ABLIM2: variants seen among roughly 807,000 people sequenced by gnomAD.
The protein encoded by ABLIM2 is actin-binding LIM protein 2.
In ABLIM2, 53 loss-of-function variants were observed where a neutral mutation model predicts 97.7. That is an observed-to-expected ratio of 0.54 (90% confidence interval 0.44 to 0.68). ABLIM2 has a LOEUF of 0.68. Among genes scored for constraint, ABLIM2 ranks in the 30% least tolerant of loss-of-function variants. ABLIM2 has a pLI of 0.00. For missense variants in ABLIM2, 835 were observed against 867.2 expected, an observed-to-expected ratio of 0.96 and a Z score of 0.47; for synonymous variants, 361 against 345.8, an observed-to-expected ratio of 1.04 and a Z score of -0.49.
rs911584744 is a variant in ABLIM2, at chr4:8,068,198, C to A, written c.676-7144G>T. On this transcript the variant is annotated intron_variant, in intron 6 of 20. Coordinates refer to ENST00000447017, the MANE Select transcript of ABLIM2 (RefSeq NM_001130083.2). The surrounding 1 kb of genome is among the most constrained non-coding windows in gnomAD (Gnocchi z 4.5). ...ACGGCTCCCCAGGCAGGCGGAAGTC[C>A]CACCCTCGCCCGCGTGGGGCTCATG... 3.9e-5 allele frequency among the ~76,000 whole-genome samples: 6 copies of A among 152,162 alleles called. No individual in the cohort carries two copies. The highest frequency in any genetic ancestry group is 1.3e-4 in the Admixed American group (2 of 15,276).
chr4:8,052,656 C>A (rs1796787406), intron 8 of ABLIM2, among the ~76,000 whole-genome samples: 1 of 152,228 alleles, frequency 6.6e-6, no homozygotes, highest in African/African-American at 2.4e-5. Context: ...GCCTCCAGCC[C>A]TGCCTGCTCT....
chr4:7,976,546 C>G (rs1316211257), intron 20 of ABLIM2, among the ~76,000 whole-genome samples: 1 of 152,196 alleles, frequency 6.6e-6, no homozygotes, highest in Non-Finnish European at 1.5e-5. Flanking sequence ...GTCCAGACAC[C>G]TCAGCTTTCG....
chr4:8,065,674 A>C (rs1242101309), intron 6 of ABLIM2, among the ~76,000 whole-genome samples: 1 of 152,208 alleles, frequency 6.6e-6, no homozygotes, highest in Non-Finnish European at 1.5e-5. Context: ...CTGTAATCCC[A>C]GCACTTTGGA....
rs769154599 is a variant in ABLIM2, at chr4:8,019,240, G to A, written c.1423+378C>T. Reference sequence around the variant, plus strand: ...AAGTTTGTTCTATATTCCAAAGATCGGGCCTGGATCAGATTGTGGTTCTAG... The same window carrying A: ...AAGTTTGTTCTATATTCCAAAGATCAGGCCTGGATCAGATTGTGGTTCTAG... On this transcript the variant is annotated intron_variant, in intron 14 of 20. Coordinates refer to ENST00000447017, the MANE Select transcript of ABLIM2 (RefSeq NM_001130083.2). The surrounding 1 kb of genome is among the most constrained non-coding windows in gnomAD (Gnocchi z 4.3). Among the ~76,000 whole-genome samples the A allele has an allele frequency of 6.6e-6, 1 of 152,160 alleles. No homozygotes were observed. The highest frequency in any genetic ancestry group is 1.5e-5 in the Non-Finnish European group (1 of 68,034).
chr4:8,005,425 G>A lies in ABLIM2; in HGVS notation c.1618+2634C>T, dbSNP rs374055082. 146 of 533,404 alleles carry A rather than the reference G, an allele frequency of 2.7e-4. No individual in the cohort carries two copies. Among genetic ancestry groups the A allele is most frequent in the Middle Eastern group, 4.5e-4 (1 of 2,242 alleles). 33.0% of individuals were successfully genotyped at this position (533,404 alleles called of 1,614,324 possible). On this transcript the variant is annotated intron_variant, in intron 16 of 20. Coordinates refer to ENST00000447017, the MANE Select transcript of ABLIM2 (RefSeq NM_001130083.2). The surrounding 1 kb of genome is among the most constrained non-coding windows in gnomAD (Gnocchi z 4.9). The stretch of plus-strand genomic sequence containing the variant: ...TTCCTTGGGCGCGCTACAGATGGAC[G>A]TCCCGGGGTGCAGGTGGCGTGCCTT...
At position 8,045,150 on chromosome 4, in the gene ABLIM2, A is replaced by G. The variant is rs1791487407; in HGVS notation, c.900+14T>C. The G allele has an allele frequency of 6.2e-7, 1 of 1,612,450 alleles. No homozygotes were observed. Among genetic ancestry groups the G allele is most frequent in the Admixed American group, 1.7e-5 (1 of 60,020 alleles). On this transcript the variant is annotated intron_variant, in intron 9 of 20. Transcript: ENST00000447017. ...CCCTCCCACCGCCGTCCCCATAAAA[A>G]GGCCCTGACTTACATAAATCACACG... is the stretch of plus-strand genomic sequence containing the variant.
In ABLIM2 at chr4:8,109,150, C is replaced by T. The variant is rs114760869; in HGVS notation, c.11-2513G>A. ...CCTGAGTGCAAGAGCTGCTCCAAGG[C>T]GGAACTCCCAGCCCCCTCTTCTGGT... On this transcript the variant is annotated intron_variant, in intron 1 of 20. Transcript: ENST00000447017. Among the ~76,000 whole-genome samples, 1,453 of 152,330 alleles carry T rather than the reference C, an allele frequency of 9.5e-3. 18 individuals are homozygous for T. The highest frequency in any genetic ancestry group is 0.03 in the African/African-American group (1,247 of 41,572).
At chr4:8,114,146 G>C (rs1192491784) in intron 1 of ABLIM2, among the ~76,000 whole-genome samples, 1 of 152,226 alleles carries the variant, frequency 6.6e-6, no homozygotes, top group East Asian at 1.9e-4. Flanking sequence ...TCATGGGCGG[G>C]GGCTGTGCCC....
intron 16 of ABLIM2, 147 bp downstream of exon 16, chr4:8,007,912 C>T (rs753181469): frequency 1.4e-5 from 21 of 1,462,004 alleles, no homozygotes; most frequent in African/African-American, 7.1e-5. Context: ...TATTTCCTTC[C>T]GGTCGGTCCT....
rs13106236 is a variant in ABLIM2 at position 7,995,806 on chromosome 4, G to A, written c.1619-2879C>T. ...GGGAAGACAGACATGTGAGAGGGGCGGGGGTCGGGGGCCAGACCTTCGGGC... is the reference window on the plus strand; with the variant it reads ...GGGAAGACAGACATGTGAGAGGGGCAGGGGTCGGGGGCCAGACCTTCGGGC... On this transcript the variant is annotated intron_variant, in intron 16 of 20. Coordinates refer to ENST00000447017, the MANE Select transcript of ABLIM2 (RefSeq NM_001130083.2). 7.9e-5 allele frequency among the ~76,000 whole-genome samples: 12 copies of A among 152,190 alleles called. No homozygotes were observed. The South Asian group carries it at 8.3e-4, about 10-fold the overall frequency.
intron 20 of ABLIM2, among the ~76,000 whole-genome samples, chr4:7,980,744 C>T (rs1159516046): frequency 6.6e-6 from 1 of 151,266 alleles, no homozygotes; most frequent in Non-Finnish European, 1.5e-5. Context: ...CTCTGCAGAG[C>T]TGTCTCTTGT....
chr4:8,045,933 G>C (rs1292041575), intron 8 of ABLIM2, among the ~76,000 whole-genome samples: 1 of 152,128 alleles, frequency 6.6e-6, no homozygotes, highest in African/African-American at 2.4e-5. Flanking sequence ...ACCCTCTCTA[G>C]CTTGGCCCCC....
chr4:7,989,072 C>CTTTTTTTTTTTTTTTTTTTTT (rs71175445), intron 17 of ABLIM2, among the ~76,000 whole-genome samples: 2 of 81,330 alleles, frequency 2.5e-5, no homozygotes, highest in African/African-American at 5.0e-5. Flanking sequence ...ACACATTAGT[C>CTTTTTTTTTTTTTTTTTTTTT]TTTTTTTTTT....
chr4:8,044,841 C>A lies in ABLIM2; in HGVS notation c.900+323G>T, dbSNP rs1294612240. On this transcript the variant is annotated intron_variant, in intron 9 of 20. Coordinates refer to ENST00000447017, the MANE Select transcript of ABLIM2 (RefSeq NM_001130083.2). This position sits in a 1 kb window ranked among gnomAD's most constrained non-coding sequence, Gnocchi z 4.4. ...GTCCCGCCTGGGTGTCTGGCAAGCC[C>A]CAACTGTCGGCTGTTGATGTGACGT... 1.3e-5 allele frequency among the ~76,000 whole-genome samples: 2 copies of A among 152,172 alleles called. No individual in the cohort carries two copies. Among genetic ancestry groups the A allele is most frequent in the Non-Finnish European group, 2.9e-5 (2 of 68,038 alleles).
rs568773015 is a variant in ABLIM2, at chr4:8,123,634, C to T, written c.11-16997G>A. ...GAGGCTCTGTGACATTCACTAACCA[C>T]CTGCATGACAGAGGCAGCCAGCCCC... On this transcript the variant is annotated intron_variant, in intron 1 of 20. Transcript: ENST00000447017. The surrounding 1 kb of genome is among the most constrained non-coding windows in gnomAD (Gnocchi z 6.2). Among the ~76,000 whole-genome samples the T allele has an allele frequency of 2.7e-3, 417 of 152,348 alleles. No homozygotes were observed. The Middle Eastern group carries it at 0.031, about 11-fold the overall frequency.
At chr4:7,983,968 A>T (rs1048171578) in intron 18 of ABLIM2, among the ~76,000 whole-genome samples, 14 of 152,204 alleles carry the variant, frequency 9.2e-5, no homozygotes, top group Non-Finnish European at 1.5e-5. Context: ...AGCCTCTCCC[A>T]TCTCTCACCG....
intron 20 of ABLIM2, among the ~76,000 whole-genome samples, chr4:7,978,809 C>T (rs924440927): frequency 2.6e-5 from 4 of 152,342 alleles, no homozygotes; most frequent in Middle Eastern, 3.4e-3. Context: ...AAGAATGCGT[C>T]CCCGCAGGCT....
Position 8,106,493 on chromosome 4 carries a change from C to G in ABLIM2, c.154+1G>C. The G allele has an allele frequency of 6.3e-7, 1 of 1,592,574 alleles. No individual in the cohort carries two copies. Among genetic ancestry groups the G allele is most frequent in the Non-Finnish European group, 8.6e-7 (1 of 1,169,566 alleles). ...ACTGCAGGGGACCGGGGGACACTCA[C>G]CTTTACAGACGAAGCACTTGATGTG... On this transcript the variant is annotated splice_donor_variant, in intron 2 of 20. Coordinates refer to ENST00000447017, the MANE Select transcript of ABLIM2 (RefSeq NM_001130083.2). LOFTEE classifies it high-confidence loss of function.
At chr4:8,079,766 G>T (rs577805002) in intron 5 of ABLIM2, among the ~76,000 whole-genome samples, 1 of 150,248 alleles carries the variant, frequency 6.7e-6, no homozygotes, top group African/African-American at 2.4e-5. Context: ...GCGTGCGTGT[G>T]TGTGTGTGTG....
Sources: gnomAD v4.1 joint callset for allele counts (sites outside exome capture counted in the v4.1 genomes callset) on GRCh38, gnomAD v4.1.1 for gene constraint, Gnocchi (gnomAD v3.1) non-coding constraint, MANE v1.5 for transcripts, NCBI Gene and HGNC (gene_info 2026-07-23, HGNC 2026-07-21) for gene names.